The following DST variants were observed in gnomAD, a reference collection of about 807,000 sequenced individuals.
The protein encoded by DST is dystonin.
In DST, 253 loss-of-function variants were observed where a neutral mutation model predicts 875.2. That is an observed-to-expected ratio of 0.29 (90% CI 0.26 to 0.32). The LOEUF (loss-of-function observed/expected upper bound fraction) is 0.32, where lower values mean the gene tolerates loss of function less well. DST is among the 10% of genes least tolerant of loss of function. The pLI is 1.00. For missense variants in DST, 8,287 were observed against 9,111.6 expected (o/e 0.91, Z 3.68); for synonymous variants, 3,124 against 3,197.1 (o/e 0.98, Z 0.77).
At position 56,606,224 on chromosome 6, in the gene DST, T is replaced by G; in HGVS notation, c.8404A>C (p.Asn2802His). 1.3e-6 allele frequency: 2 copies of G among 1,567,396 alleles called. No individual in the cohort carries two copies. The highest frequency in any genetic ancestry group is 1.7e-6 in the Non-Finnish European group (2 of 1,154,290). The part of the protein sequence containing the change: ...ESYGDYIYDS[N>H]DQDDDDDDGI... ...TCATCATCATCGTCATCCTGATCAT[T>G]ACTGTCATATATATAATCCCCATAA... is the stretch of plus-strand genomic sequence containing the variant. The change falls in exon 40 of 104, where the codon AAT becomes CAT. Residue 2802 changes from asparagine to histidine, a missense_variant. Coordinates refer to ENST00000680361, the MANE Select transcript of DST (RefSeq NM_001374736.1).
intron 23 of DST, 120 bp downstream of exon 23, chr6:56,636,437 T>C: frequency 1.4e-6 from 1 of 731,432 alleles, no homozygotes; most frequent in African/African-American, 1.7e-5. Flanking sequence ...TATATATATA[T>C]GTGTGTATAT....
At chr6:56,893,119 T>C (rs997529227) in intron 3 of DST, among the ~76,000 whole-genome samples, 1 of 152,214 alleles carries the variant, frequency 6.6e-6, no homozygotes, top group African/African-American at 2.4e-5. Flanking sequence ...GCAGTATACA[T>C]TGTACCATAC....
In DST at chr6:56,628,956, A is replaced by G. The variant is rs1221287466; in HGVS notation, c.4475+294T>C. On this transcript the variant is annotated intron_variant, in intron 32 of 103. Transcript: ENST00000680361. The stretch of plus-strand genomic sequence containing the variant: ...ACTAAGTCATGGTTATTTGAATATT[A>G]TAAGTTGGTAATAATTAGAGAACTA... 2.6e-5 allele frequency among the ~76,000 whole-genome samples: 4 copies of G among 152,212 alleles called. No homozygotes were observed. In the East Asian group the frequency reaches 7.7e-4, roughly 29 times the overall value.
At chr6:56,532,264 A>G (rs569600223) in intron 64 of DST, 80 bp downstream of exon 64, 1 of 1,291,752 alleles carries the variant, frequency 7.7e-7, no homozygotes, top group South Asian at 1.3e-5. Flanking sequence ...GATTTGAAGT[A>G]TTAACAAAAT....
At chr6:56,639,424 T>C (rs2098862818) in intron 21 of DST, 26 bp downstream of exon 21, 3 of 1,612,970 alleles carry the variant, frequency 1.9e-6, no homozygotes, top group Non-Finnish European at 2.5e-6. Context: ...GCAACCCTAG[T>C]ATGCAAGTAC....
chr6:56,627,375 AT>A, intron 33 of DST, 88 bp from the exon 34 acceptor site: 1 of 886,884 alleles, frequency 1.1e-6, no homozygotes, highest in Non-Finnish European at 1.9e-6. Flanking sequence ...ACATATCTAC[AT>A]CACTTCACAG....
At chr6:56,809,771 G>A (rs1372568531) in intron 4 of DST, among the ~76,000 whole-genome samples, 4 of 152,038 alleles carry the variant, frequency 2.6e-5, no homozygotes, top group Non-Finnish European at 4.4e-5. Flanking sequence ...AAAAGAAACT[G>A]ATATATTTTA....
At chr6:56,627,012 G>A (rs752936129) in intron 34 of DST, among the ~76,000 whole-genome samples, 192 bp downstream of exon 34, 3 of 152,150 alleles carry the variant, frequency 2.0e-5, no homozygotes, top group African/African-American at 4.8e-5. Context: ...ACATATGTGA[G>A]AGAGAAGAAG....
rs544430291 is a variant in DST, at chr6:56,736,200, C to A, written c.626-911G>T. Reference sequence around the variant, plus strand: ...CCACCATGCCTGGCCTATGCTATTTCTTTCCTAGATTCCTGTGTTGAACTG... The same window carrying A: ...CCACCATGCCTGGCCTATGCTATTTATTTCCTAGATTCCTGTGTTGAACTG... On this transcript the variant is annotated intron_variant, in intron 4 of 103. Transcript: ENST00000680361. Among the ~76,000 whole-genome samples the A allele has an allele frequency of 1.1e-3, 167 of 152,154 alleles. 1 individual carries two copies. Among genetic ancestry groups the A allele is most frequent in the Non-Finnish European group, 5.9e-5 (4 of 67,966 alleles).
intron 36 of DST, among the ~76,000 whole-genome samples, chr6:56,617,720 C>T (rs1475072465): frequency 6.6e-6 from 1 of 152,082 alleles, no homozygotes; most frequent in Non-Finnish European, 1.5e-5. Flanking sequence ...TTTTGATACT[C>T]ACATTTTTCA....
chr6:56,837,352 C>T (rs2099794959), intron 4 of DST, among the ~76,000 whole-genome samples: 1 of 152,226 alleles, frequency 6.6e-6, no homozygotes, highest in South Asian at 2.1e-4. Context: ...CCTGTCCCCA[C>T]ATGCAGAACC....
chr6:56,810,187 C>T (rs1486871899), intron 4 of DST, among the ~76,000 whole-genome samples: 2 of 152,122 alleles, frequency 1.3e-5, no homozygotes. Flanking sequence ...GGCATGGTGG[C>T]ACGTTCCAGC....
chr6:56,560,926 C>T (rs889944286), intron 57 of DST, among the ~76,000 whole-genome samples: 3 of 151,900 alleles, frequency 2.0e-5, no homozygotes, highest in Non-Finnish European at 4.4e-5. Flanking sequence ...AAAGAAATAC[C>T]CTCTATTAAA....
intron 90 of DST, among the ~76,000 whole-genome samples, chr6:56,477,697 G>A (rs1198708945): frequency 6.6e-6 from 1 of 152,194 alleles, no homozygotes; most frequent in Non-Finnish European, 1.5e-5. Context: ...TACAAGTACA[G>A]TCATCCCTTG....
At chr6:56,873,395 G>T (rs1778249759) in intron 3 of DST, among the ~76,000 whole-genome samples, 1 of 152,124 alleles carries the variant, frequency 6.6e-6, no homozygotes, top group South Asian at 2.1e-4. Flanking sequence ...AGGTCTTACT[G>T]AAGAAATCTT....
chr6:56,531,588 A>T (rs2096896283), intron 64 of DST, among the ~76,000 whole-genome samples: 2 of 152,132 alleles, frequency 1.3e-5, no homozygotes, highest in Non-Finnish European at 2.9e-5. Flanking sequence ...TCTGGTTCCA[A>T]AGAAGGTGGG....
At chr6:56,907,056 C>T (rs1796747445) in intron 2 of DST, among the ~76,000 whole-genome samples, 1 of 152,138 alleles carries the variant, frequency 6.6e-6, no homozygotes, top group South Asian at 2.1e-4. Flanking sequence ...AGCCCATAAC[C>T]AAGACTCAGT....
intron 36 of DST, chr6:56,617,961 T>A (rs374729021): frequency 3.3e-5 from 53 of 1,589,208 alleles, no homozygotes; most frequent in African/African-American, 2.7e-4. Flanking sequence ...AGGTAGCTGA[T>A]AAGGTCTCAG....
At chr6:56,732,526 C>T (rs913068549) in intron 5 of DST, among the ~76,000 whole-genome samples, 3 of 151,942 alleles carry the variant, frequency 2.0e-5, no homozygotes, top group African/African-American at 2.4e-5. Flanking sequence ...GAAACTGTAT[C>T]GAAGAGCAAA....
Sources: allele counts gnomAD v4.1 joint callset (sites outside exome capture counted in the v4.1 genomes callset), GRCh38; gene constraint gnomAD v4.1.1; transcripts MANE v1.5; gene names NCBI Gene and HGNC (gene_info 2026-07-23, HGNC 2026-07-21).